NDST4: variants seen among roughly 807,000 people sequenced by gnomAD.
NDST4 encodes N-heparan sulfate sulfotransferase 4.
NDST4 carries 63 observed loss-of-function variants against 100.8 expected under a neutral mutation model. The observed-to-expected ratio is 0.62, with a 90% CI of 0.51 to 0.77. The LOEUF is 0.77. NDST4 is among the 30% of genes least tolerant of loss of function. The pLI is 0.00. For missense variants in NDST4, 943 were observed against 1,018.4 expected (o/e 0.93, Z 1.01); for synonymous variants, 377 against 361.8 (o/e 1.04, Z -0.48).
chr4:114,954,686 G>C lies in NDST4; in HGVS notation c.1221+15744C>G, dbSNP rs141170357. Among the ~76,000 whole-genome samples, 4 of 152,218 alleles carry C rather than the reference G, an allele frequency of 2.6e-5. No individual in the cohort carries two copies. In the East Asian group the frequency reaches 7.7e-4, roughly 29 times the overall value. ...TGGCTTTTATAATTTGTTCTTAAAA[G>C]TGTATATATGGTGATATCATTTGGA... is the stretch of plus-strand genomic sequence containing the variant. On this transcript the variant is annotated intron_variant, in intron 4 of 13. Coordinates refer to ENST00000264363, the MANE Select transcript of NDST4 (RefSeq NM_022569.3).
In NDST4 at chr4:114,991,332, C is replaced by T. The variant is rs146400706; in HGVS notation, c.979-14058G>A. ...ACCAAAAGGGCCTTGTGGATCAATACCACTGCAGGAGCAAGACTCCTCTTT... is the reference window on the plus strand; with the variant it reads ...ACCAAAAGGGCCTTGTGGATCAATATCACTGCAGGAGCAAGACTCCTCTTT... On this transcript the variant is annotated intron_variant, in intron 2 of 13. Coordinates refer to ENST00000264363, the MANE Select transcript of NDST4 (RefSeq NM_022569.3). Among the ~76,000 whole-genome samples the T allele has an allele frequency of 7.2e-5, 11 of 152,160 alleles. No homozygotes were observed. In the East Asian group the frequency reaches 1.9e-3, roughly 27 times the overall value.
intron 1 of NDST4, among the ~76,000 whole-genome samples, chr4:115,090,799 C>G (rs1035715632): frequency 1.3e-5 from 2 of 152,030 alleles, no homozygotes; most frequent in Admixed American, 6.6e-5. Flanking sequence ...GTATAGGTAA[C>G]TGGGCTCTCA....
At chr4:115,023,281 T>A (rs1024349655) in intron 2 of NDST4, among the ~76,000 whole-genome samples, 2 of 151,808 alleles carry the variant, frequency 1.3e-5, no homozygotes, top group Admixed American at 6.6e-5. Context: ...AGGTCCGGAG[T>A]TCGAGACCAG....
At chr4:114,843,950 T>C (rs1292299737) in intron 10 of NDST4, among the ~76,000 whole-genome samples, 2 of 152,116 alleles carry the variant, frequency 1.3e-5, no homozygotes, top group Non-Finnish European at 1.5e-5. Flanking sequence ...ATCATGATCA[T>C]AATCCACACT....
At chr4:115,036,839 A>T (rs141041119) in intron 2 of NDST4, among the ~76,000 whole-genome samples, 1 of 152,054 alleles carries the variant, frequency 6.6e-6, no homozygotes, top group African/African-American at 2.4e-5. Flanking sequence ...GATATTAAAT[A>T]GGGAACACAA....
rs964984731 is a variant in NDST4 at position 114,970,971 on chromosome 4, A to T, written c.1067-387T>A. Among the ~76,000 whole-genome samples the T allele has an allele frequency of 3.3e-5, 5 of 152,212 alleles. No individual in the cohort carries two copies. The East Asian group carries it at 9.7e-4, about 29-fold the overall frequency. On this transcript the variant is annotated intron_variant, in intron 3 of 13. Coordinates refer to ENST00000264363, the MANE Select transcript of NDST4 (RefSeq NM_022569.3). ...CATAACATTTGTTAATTTTTTTCTG[A>T]TTACATAAATAATATATGTTTATTA... is the stretch of plus-strand genomic sequence containing the variant.
Position 114,848,306 on chromosome 4 carries a change from G to T in NDST4, c.1849C>A (p.His617Asn), listed in dbSNP as rs768355696. ...GGGAGATTGCTGATGATTGAAGGATGCATAAGAAGAAATAAATAAAGTGCA... is the reference window on the plus strand; with the variant it reads ...GGGAGATTGCTGATGATTGAAGGATTCATAAGAAGAAATAAATAAAGTGCA... ...TTALYLFLLM[H>N]PSIISNLPSP... The change falls in exon 9 of 14, where the codon CAT becomes AAT. Residue 617 changes from histidine (H) to asparagine (N), a missense_variant. Around this residue, in one of 2 missense-constraint regions of NDST4, gnomAD observed 526 missense variants for 634.1 expected, o/e 0.83. Coordinates refer to ENST00000264363, the MANE Select transcript of NDST4 (RefSeq NM_022569.3). The T allele has an allele frequency of 6.2e-7, 1 of 1,603,460 alleles. No homozygotes were observed. Among genetic ancestry groups the T allele is most frequent in the South Asian group, 1.1e-5 (1 of 89,064 alleles).
chr4:114,938,848 A>C (rs1425986718), intron 4 of NDST4, among the ~76,000 whole-genome samples: 1 of 152,188 alleles, frequency 6.6e-6, no homozygotes, highest in African/African-American at 2.4e-5. Context: ...GGTGTTTCCT[A>C]ACATCTGTTA....
chr4:115,104,653 C>A (rs927489235), intron 1 of NDST4, among the ~76,000 whole-genome samples: 1 of 151,922 alleles, frequency 6.6e-6, no homozygotes, highest in African/African-American at 2.4e-5. Context: ...AGTTAATTTT[C>A]AAGATCATGA....
At chr4:114,970,057 A>G (rs1278514683) in intron 4 of NDST4, among the ~76,000 whole-genome samples, 1 of 152,118 alleles carries the variant, frequency 6.6e-6, no homozygotes, top group Non-Finnish European at 1.5e-5. Flanking sequence ...TATTTCTCTA[A>G]TGATTAGTGA....
chr4:114,961,685 G>A (rs557116453), intron 4 of NDST4, among the ~76,000 whole-genome samples: 4 of 152,034 alleles, frequency 2.6e-5, no homozygotes, highest in Admixed American at 2.6e-4. Flanking sequence ...TAAATTGAAT[G>A]ACTTAGTAAA....
chr4:115,018,789 A>G (rs1464841058), intron 2 of NDST4, among the ~76,000 whole-genome samples: 1 of 151,990 alleles, frequency 6.6e-6, no homozygotes, highest in African/African-American at 2.4e-5. Flanking sequence ...ATTATTATAC[A>G]TGCTTGGTAA....
chr4:115,031,652 T>C (rs1346561836), intron 2 of NDST4, among the ~76,000 whole-genome samples: 2 of 152,152 alleles, frequency 1.3e-5, no homozygotes, highest in Non-Finnish European at 2.9e-5. Context: ...GTTTAAAGTA[T>C]GCAAGCTTAA....
At chr4:114,890,462 A>G (rs1307367956) in intron 6 of NDST4, among the ~76,000 whole-genome samples, 1 of 152,088 alleles carries the variant, frequency 6.6e-6, no homozygotes, top group East Asian at 1.9e-4. Flanking sequence ...CTCTAGGACA[A>G]ATCTCTAAAC....
intron 6 of NDST4, among the ~76,000 whole-genome samples, chr4:114,890,803 A>G (rs1023708121): frequency 4.6e-5 from 7 of 152,036 alleles, no homozygotes; most frequent in Non-Finnish European, 8.8e-5. Context: ...GATAGGCACA[A>G]ATTTATTCTC....
At chr4:115,057,147 T>C (rs1178598225) in intron 2 of NDST4, among the ~76,000 whole-genome samples, 1 of 152,164 alleles carries the variant, frequency 6.6e-6, no homozygotes, top group African/African-American at 2.4e-5. Context: ...TGTTTTTCTC[T>C]GGAGTAAATG....
Position 114,921,644 on chromosome 4 carries a change from TC to T in NDST4, c.1536+13561del, listed in dbSNP as rs368853679. Among the ~76,000 whole-genome samples the T allele has an allele frequency of 6.2e-3, 943 of 152,318 alleles. 75 individuals carry two copies. The South Asian group carries it at 0.16, about 25-fold the overall frequency. On this transcript the variant is annotated intron_variant, in intron 6 of 13. Transcript: ENST00000264363. ...CAGTAAGAGAACCAACATTTATTTCTCCCGTTTTATAGACATATTCAGAAGC... is the reference window on the plus strand; with the variant it reads ...CAGTAAGAGAACCAACATTTATTTCTCCGTTTTATAGACATATTCAGAAGC...
At chr4:115,071,276 T>TCA (rs70964340) in intron 2 of NDST4, among the ~76,000 whole-genome samples, 3,192 of 138,180 alleles carry the variant, frequency 0.023, 38 homozygotes, top group Admixed American at 0.042. Flanking sequence ...AAGTATGCCT[T>TCA]CACACACACA....
intron 2 of NDST4, among the ~76,000 whole-genome samples, chr4:114,990,937 ACT>A (rs1727023348): frequency 6.6e-6 from 1 of 151,848 alleles, no homozygotes. Flanking sequence ...TGAGACTTCA[ACT>A]CTTATTGCTC....
Sources: gnomAD v4.1 joint callset for allele counts (sites outside exome capture counted in the v4.1 genomes callset) on GRCh38, gnomAD v4.1.1 for gene constraint, gnomAD v4.1.1 regional missense constraint, MANE v1.5 for transcripts, NCBI Gene and HGNC (gene_info 2026-07-23, HGNC 2026-07-21) for gene names.